Variants in ELL observed in about 807,000 individuals in gnomAD.
ELL encodes elongation factor for RNA polymerase II, also known as RNA polymerase II elongation factor ELL.
In ELL, 18 loss-of-function variants were observed where a neutral mutation model predicts 64.0. That is an observed-to-expected ratio of 0.28 (90% CI 0.19 to 0.42). The LOEUF (loss-of-function observed/expected upper bound fraction) is 0.42, where lower values mean the gene tolerates loss of function less well. ELL is among the 10% of genes least tolerant of loss of function. ELL has a pLI of 1.00. For synonymous variants in ELL, 399 were observed against 376.2 expected (o/e 1.06, Z -0.70); for missense variants, 797 against 870.4 (o/e 0.92, Z 1.06).
intron 1 of ELL, among the ~76,000 whole-genome samples, chr19:18,480,419 GGACA>G (rs1273509124): frequency 6.6e-6 from 1 of 152,186 alleles, no homozygotes; most frequent in African/African-American, 2.4e-5. Context: ...TAGGGAACTT[GGACA>G]GACACATTGT....
chr19:18,520,780 C>A (rs1191071779), intron 1 of ELL, among the ~76,000 whole-genome samples: 1 of 145,902 alleles, frequency 6.9e-6, no homozygotes, highest in Non-Finnish European at 1.5e-5. Context: ...GCTCTCTGAG[C>A]CCGAGACTAG....
intron 1 of ELL, among the ~76,000 whole-genome samples, chr19:18,480,305 T>C (rs1464108034): frequency 2.6e-5 from 4 of 152,352 alleles, no homozygotes; most frequent in East Asian, 3.9e-4. Context: ...GAGCAGGACA[T>C]TGAGGCCACG....
intron 2 of ELL, among the ~76,000 whole-genome samples, chr19:18,467,686 CCA>C (rs1318419592): frequency 4.5e-4 from 56 of 124,826 alleles, no homozygotes; most frequent in African/African-American, 1.7e-3. Flanking sequence ...CACAACCCCT[CCA>C]CACACAATCT....
intron 4 of ELL, among the ~76,000 whole-genome samples, chr19:18,463,486 C>T (rs1974872797): frequency 6.6e-6 from 1 of 151,912 alleles, no homozygotes; most frequent in African/African-American, 2.4e-5. Context: ...AGGCGCACGC[C>T]ACCACAACTG....
chr19:18,521,821 G>GT (rs1976286274), intron 1 of ELL, 100 bp downstream of exon 1: 2 of 1,463,710 alleles, frequency 1.4e-6, no homozygotes, highest in Non-Finnish European at 1.8e-6. Context: ...CAGCACCACA[G>GT]ACCTAGCGTC....
At chr19:18,482,743 T>C (rs8105994) in intron 1 of ELL, among the ~76,000 whole-genome samples, 67,522 of 151,700 alleles carry the variant, frequency 0.45, 17,090 homozygotes, top group African/African-American at 0.7. Context: ...TGTGTCTTAG[T>C]TCCTCCCATC....
chr19:18,453,147 A>G (rs1343953944), intron 6 of ELL, among the ~76,000 whole-genome samples: 4 of 152,128 alleles, frequency 2.6e-5, no homozygotes, highest in Non-Finnish European at 5.9e-5. Flanking sequence ...GGTGGTGGGC[A>G]CCTGTAACCT....
At chr19:18,486,230 T>C (rs927932793) in intron 1 of ELL, among the ~76,000 whole-genome samples, 3 of 152,026 alleles carry the variant, frequency 2.0e-5, no homozygotes, top group African/African-American at 7.2e-5. Context: ...GTGTGAAGCT[T>C]AGCTCAGGGC....
rs7257862 is a variant in ELL at position 18,486,648 on chromosome 19, C to T, written c.136-13766G>A. On this transcript the variant is annotated intron_variant, in intron 1 of 11. Coordinates refer to ENST00000262809, the MANE Select transcript of ELL (RefSeq NM_006532.4). ...CAGCCGCCTGGATGATTCACAGCTC[C>T]GCACCGGACTCGGCTCTTACCGCCT... Among the ~76,000 whole-genome samples the T allele has an allele frequency of 3.1e-3, 478 of 152,304 alleles. 2 individuals are homozygous for T. The highest frequency in any genetic ancestry group is 9.3e-3 in the African/African-American group (385 of 41,562).
chr19:18,502,622 A>G (rs1173595668), intron 1 of ELL, among the ~76,000 whole-genome samples: 1 of 152,252 alleles, frequency 6.6e-6, no homozygotes, highest in African/African-American at 2.4e-5. Context: ...CTGAGAGATG[A>G]CAACTGAAGA....
intron 10 of ELL, 64 bp downstream of exon 10, chr19:18,446,245 C>G: frequency 7.5e-7 from 1 of 1,338,534 alleles, no homozygotes; most frequent in Non-Finnish European, 9.9e-7. Flanking sequence ...GGCGATGGTG[C>G]GCGCCCAAGT....
chr19:18,446,163 T>C (rs1974408854), intron 10 of ELL, 146 bp downstream of exon 10: 1 of 1,032,864 alleles, frequency 9.7e-7, no homozygotes, highest in Non-Finnish European at 1.4e-6. Context: ...ATGGGGTTGC[T>C]GCATGGAGTG....
chr19:18,519,727 A>T (rs1600515613), intron 1 of ELL, among the ~76,000 whole-genome samples: 1 of 151,746 alleles, frequency 6.6e-6, no homozygotes, highest in East Asian at 1.9e-4. Flanking sequence ...GAATCGCTTG[A>T]ACCCGGGAGG....
In ELL at chr19:18,498,997, G is replaced by A. The variant is rs142354796; in HGVS notation, c.135+22924C>T. On this transcript the variant is annotated intron_variant, in intron 1 of 11. Transcript: ENST00000262809. ...AAACCCACACAAATGTGTGCACTAG[G>A]GACAAAGCTAAAGGCTGGCTCCCTC... Among the ~76,000 whole-genome samples the A allele has an allele frequency of 1.4e-4, 21 of 152,236 alleles. 1 individual carries two copies. The East Asian group carries it at 2.7e-3, about 20-fold the overall frequency.
At chr19:18,492,204 C>T (rs1430807347) in intron 1 of ELL, among the ~76,000 whole-genome samples, 2 of 152,154 alleles carry the variant, frequency 1.3e-5, no homozygotes, top group Non-Finnish European at 1.5e-5. Flanking sequence ...ATGGGGTTAC[C>T]TACCTCTGTG....
Position 18,446,358 on chromosome 19 carries a change from T to A in ELL, c.1655A>T (p.Gln552Leu), listed in dbSNP as rs1173051119. Residue 552 changes from glutamine to leucine, a missense_variant, in exon 10 of 12, where the codon CAG (glutamine) becomes CTG (leucine). Gln to Leu is a moderately radical substitution (Grantham distance 113). Transcript: ENST00000262809. ...GAGCTGCCGGAGCTGGGCGTCGAGC[T>A]GGGTGAACCGCCGCGTGATGCGCTC... ...RIERITRRFT[Q>L]LDAQLRQLSQ... 2 of 1,606,908 alleles carry A rather than the reference T, an allele frequency of 1.2e-6. 1 individual carries two copies. The highest frequency in any genetic ancestry group is 2.2e-5 in the South Asian group (2 of 89,874).
chr19:18,468,227 T>TACACACAC (rs112698624), intron 2 of ELL, among the ~76,000 whole-genome samples: 3 of 147,902 alleles, frequency 2.0e-5, no homozygotes, highest in African/African-American at 5.0e-5. Context: ...AAACAATCCA[T>TACACACAC]ACACACACAC....
chr19:18,444,599 C>T lies in ELL; in HGVS notation c.*153G>A. ...AGGGCCGAGGTGGGCTTGCAGCCAC[C>T]CGCCAGGGCCAGACGTCTGCAGGGG... On this transcript the variant is annotated 3_prime_UTR_variant, in exon 12 of 12. Transcript: ENST00000262809. 1 of 781,084 alleles carries T rather than the reference C, an allele frequency of 1.3e-6. No homozygotes were observed. The highest frequency in any genetic ancestry group is 2.0e-6 in the Non-Finnish European group (1 of 507,700). 48.4% of individuals were successfully genotyped at this position (781,084 alleles called of 1,614,324 possible). A position where few individuals can be genotyped will look rare whatever the true frequency, so the allele number is the denominator to read the frequency against.
In ELL at chr19:18,501,120, C is replaced by T. The variant is rs1457818380; in HGVS notation, c.135+20801G>A. On this transcript the variant is annotated intron_variant, in intron 1 of 11. Transcript: ENST00000262809. This position sits in a 1 kb window ranked among gnomAD's most constrained non-coding sequence, Gnocchi z 4.5. Reference sequence around the variant, plus strand: ...GGAGAAGAACGAGCGGGCCACGACACTGTTCTCGCCAGCTATGCCTGTGGG... The same window carrying T: ...GGAGAAGAACGAGCGGGCCACGACATTGTTCTCGCCAGCTATGCCTGTGGG... 6.6e-6 allele frequency among the ~76,000 whole-genome samples: 1 copy of T among 152,160 alleles called. No individual in the cohort carries two copies. Among genetic ancestry groups the T allele is most frequent in the Non-Finnish European group, 1.5e-5 (1 of 68,042 alleles).
Sources: gnomAD v4.1 joint callset for allele counts (sites outside exome capture counted in the v4.1 genomes callset) on GRCh38, gnomAD v4.1.1 for gene constraint, Gnocchi (gnomAD v3.1) non-coding constraint, MANE v1.5 for transcripts, NCBI Gene and HGNC (gene_info 2026-07-23, HGNC 2026-07-21) for gene names.